SORCS2: variants seen among roughly 807,000 people sequenced by gnomAD.
SORCS2 encodes the protein VPS10 domain-containing receptor SorCS2.
Under a neutral mutation model 141.6 loss-of-function variants are expected in SORCS2, and 100 were observed. The ratio of observed to expected loss-of-function variants is 0.71; its 90% CI spans 0.60 to 0.83. The LOEUF (loss-of-function observed/expected upper bound fraction) is 0.83, where lower values mean the gene tolerates loss of function less well. Among genes scored for constraint, SORCS2 ranks in the 40% least tolerant of loss-of-function variants. The probability of loss-of-function intolerance (pLI) is 0.00; values close to 1 mark genes in which losing one functional copy is unlikely to be tolerated. For synonymous variants in SORCS2, 789 were observed against 676.9 expected (o/e 1.17, Z -2.57); for missense variants, 1,646 against 1,560.2 (o/e 1.05, Z -0.93).
chr4:7,451,231 A>C (rs901553284), intron 2 of SORCS2, among the ~76,000 whole-genome samples: 1 of 152,138 alleles, frequency 6.6e-6, no homozygotes, highest in Non-Finnish European at 1.5e-5. Flanking sequence ...TGAATAAATG[A>C]GTAAGTGAAT....
At chr4:7,611,683 G>GA (rs1718414645) in intron 3 of SORCS2, among the ~76,000 whole-genome samples, 2 of 152,180 alleles carry the variant, frequency 1.3e-5, no homozygotes, top group African/African-American at 2.4e-5. Flanking sequence ...AAATGCTTGG[G>GA]GAAAAATTCA....
rs1726930885 is a variant in SORCS2, at chr4:7,192,910, C to T, written c.264C>T (p.Gly88=). The change falls in exon 1 of 27, where the codon GGC becomes GGT. Residue 88 remains glycine, a synonymous_variant. Transcript: ENST00000507866. This position sits in a 1 kb window ranked among gnomAD's most constrained non-coding sequence, Gnocchi z 4.0. ...GCGGCGAGGACCGGCAGGCGCGCGGCACGGAGCCAGGCGCCCCGGGTCCGA... is the reference window on the plus strand; with the variant it reads ...GCGGCGAGGACCGGCAGGCGCGCGGTACGGAGCCAGGCGCCCCGGGTCCGA... ...PGGGEDRQAR[G]TEPGAPGPSP... The T allele has an allele frequency of 2.3e-5, 27 of 1,187,834 alleles. No individual in the cohort carries two copies. The highest frequency in any genetic ancestry group is 2.5e-5 in the Non-Finnish European group (24 of 961,410). 73.6% of individuals were successfully genotyped at this position (1,187,834 alleles called of 1,614,324 possible).
At chr4:7,424,728 G>A (rs796860137) in intron 2 of SORCS2, among the ~76,000 whole-genome samples, 1 of 152,160 alleles carries the variant, frequency 6.6e-6, no homozygotes, top group Non-Finnish European at 1.5e-5. Context: ...GAGGGCGTGC[G>A]GGCACCGTGG....
intron 1 of SORCS2, among the ~76,000 whole-genome samples, chr4:7,253,439 G>A (rs1713640015): frequency 6.6e-6 from 1 of 152,356 alleles, no homozygotes; most frequent in African/African-American, 2.4e-5. Flanking sequence ...GGGATCTGTA[G>A]CTCATTCCAG....
At chr4:7,434,889 G>C (rs527572311) in intron 2 of SORCS2, 2 of 1,540,354 alleles carry the variant, frequency 1.3e-6, no homozygotes, top group Non-Finnish European at 1.7e-6. Flanking sequence ...TGCTGCCCAG[G>C]GACTCTCTGG....
At chr4:7,714,654 G>T (rs561286468) in intron 16 of SORCS2, among the ~76,000 whole-genome samples, 1 of 152,182 alleles carries the variant, frequency 6.6e-6, no homozygotes, top group Admixed American at 6.5e-5. Flanking sequence ...ACAGGTCAGG[G>T]CATCTTGGGG....
At chr4:7,435,674 A>G (rs1168862061) in intron 2 of SORCS2, among the ~76,000 whole-genome samples, 1 of 152,268 alleles carries the variant, frequency 6.6e-6, no homozygotes, top group African/African-American at 2.4e-5. Context: ...CACACACAAA[A>G]GAGGTTTGTT....
At chr4:7,316,313 T>C (rs935784552) in intron 1 of SORCS2, among the ~76,000 whole-genome samples, 5 of 152,126 alleles carry the variant, frequency 3.3e-5, no homozygotes, top group African/African-American at 9.7e-5. Context: ...CAAAAAAAAT[T>C]TTTTTGGACA....
chr4:7,193,611 T>C lies in SORCS2; in HGVS notation c.480+485T>C, dbSNP rs1472671636. 1.3e-5 allele frequency among the ~76,000 whole-genome samples: 2 copies of C among 152,158 alleles called. No individual in the cohort carries two copies. The highest frequency in any genetic ancestry group is 4.8e-5 in the African/African-American group (2 of 41,454). ...TCCGCAGGCTCCGGGACTTCCCCGG[T>C]CAGCTCGAATCCTGTTCTGGGACTC... On this transcript the variant is annotated intron_variant, in intron 1 of 26. Coordinates refer to ENST00000507866, the MANE Select transcript of SORCS2 (RefSeq NM_020777.3). This position sits in a 1 kb window ranked among gnomAD's most constrained non-coding sequence, Gnocchi z 4.8.
rs991464150 is a variant in SORCS2, at chr4:7,648,606, G to A, written c.814-5528G>A. 5.3e-5 allele frequency among the ~76,000 whole-genome samples: 8 copies of A among 152,210 alleles called. No individual in the cohort carries two copies. The highest frequency in any genetic ancestry group is 2.1e-4 in the South Asian group (1 of 4,820). ...AGGATGGGGGCGCAGAGCAGATGAC[G>A]AGGGATGGGTTAGAAGCTGCTGGGT... On this transcript the variant is annotated intron_variant, in intron 4 of 26. Coordinates refer to ENST00000507866, the MANE Select transcript of SORCS2 (RefSeq NM_020777.3). This position sits in a 1 kb window ranked among gnomAD's most constrained non-coding sequence, Gnocchi z 4.2.
intron 1 of SORCS2, among the ~76,000 whole-genome samples, chr4:7,240,591 C>T (rs1014434596): frequency 1.3e-5 from 2 of 152,244 alleles, no homozygotes; most frequent in Admixed American, 6.5e-5. Context: ...GAGGCCCAGC[C>T]GCCCTGAGAG....
chr4:7,217,713 T>G (rs145214450), intron 1 of SORCS2, among the ~76,000 whole-genome samples: 1 of 151,608 alleles, frequency 6.6e-6, no homozygotes, highest in Admixed American at 6.6e-5. Context: ...TGTGTGGGGG[T>G]GTGTGACAAC....
Position 7,715,287 on chromosome 4 carries a change from G to A in SORCS2, c.2228G>A (p.Gly743Asp), listed in dbSNP as rs756015156. Residue 743 changes from glycine to aspartate, a missense_variant, in exon 17 of 27, where the codon GGC (glycine) becomes GAC (aspartate). Transcript: ENST00000507866. Reference protein sequence around the residue: ...PLSPPDDCALGQTYTSSLGYR... With the variant: ...PLSPPDDCALDQTYTSSLGYR... ...TCCCCGCCTGACGACTGTGCCCTGG[G>A]CCAGACCTACACCAGCAGCCTTGGG... 1 of 1,612,810 alleles carries A rather than the reference G, an allele frequency of 6.2e-7. No individual in the cohort carries two copies.
intron 2 of SORCS2, among the ~76,000 whole-genome samples, chr4:7,486,973 T>C (rs1731027302): frequency 1.3e-5 from 2 of 152,200 alleles, no homozygotes; most frequent in African/African-American, 4.8e-5. Context: ...TTTGGGTGGG[T>C]CACTATTCAA....
chr4:7,515,722 G>T (rs997302715), intron 2 of SORCS2, among the ~76,000 whole-genome samples: 2 of 152,204 alleles, frequency 1.3e-5, no homozygotes, highest in African/African-American at 2.4e-5. Flanking sequence ...TGGGGGTGGG[G>T]CTCAGTCTGT....
chr4:7,571,287 G>T (rs1230321830), intron 3 of SORCS2, among the ~76,000 whole-genome samples: 1 of 152,202 alleles, frequency 6.6e-6, no homozygotes, highest in Non-Finnish European at 1.5e-5. Context: ...CTTAGCAGAG[G>T]GCTGGCTGGA....
In SORCS2 at chr4:7,667,123, G is replaced by C; in HGVS notation, c.1072-1G>C. The C allele has an allele frequency of 6.2e-7, 1 of 1,612,424 alleles. No homozygotes were observed. Among genetic ancestry groups the C allele is most frequent in the Non-Finnish European group, 8.5e-7 (1 of 1,178,564 alleles). ...AAAAATGTGTTTCTTCCCCCGGTTA[G>C]GCAACATCAGCAAACCAGACAAAAT... On this transcript the variant is annotated splice_acceptor_variant, in intron 7 of 26. Coordinates refer to ENST00000507866, the MANE Select transcript of SORCS2 (RefSeq NM_020777.3). LOFTEE classifies it high-confidence loss of function.
At chr4:7,611,788 C>G (rs768455271) in intron 3 of SORCS2, among the ~76,000 whole-genome samples, 19 of 152,268 alleles carry the variant, frequency 1.2e-4, no homozygotes, top group Admixed American at 3.9e-4. Flanking sequence ...CTTGCTGGCA[C>G]CCAGCCTCAT....
At chr4:7,228,621 G>A (rs763970631) in intron 1 of SORCS2, among the ~76,000 whole-genome samples, 1 of 152,184 alleles carries the variant, frequency 6.6e-6, no homozygotes, top group Non-Finnish European at 1.5e-5. Context: ...GAGTGGAGAA[G>A]GGGCCATCTC....
Sources: gnomAD v4.1 joint callset for allele counts (sites outside exome capture counted in the v4.1 genomes callset) on GRCh38, gnomAD v4.1.1 for gene constraint, Gnocchi (gnomAD v3.1) non-coding constraint, MANE v1.5 for transcripts, NCBI Gene and HGNC (gene_info 2026-07-23, HGNC 2026-07-21) for gene names.